Variants in TBC1D8 observed in about 807,000 individuals in gnomAD.
TBC1D8 encodes the protein BUB2-like protein 1.
Under a neutral mutation model 118.8 loss-of-function variants are expected in TBC1D8, and 65 were observed. The observed-to-expected ratio is 0.55, with a 90% confidence interval of 0.45 to 0.67. TBC1D8 has a LOEUF of 0.67. Ranked by LOEUF, TBC1D8 falls within the 30% of genes least tolerant of loss-of-function variation. The pLI, the probability that TBC1D8 is intolerant of heterozygous loss-of-function variation, is 0.00. For synonymous variants in TBC1D8, 566 were observed against 595.8 expected, an observed-to-expected ratio of 0.95 and a Z score of 0.73; for missense variants, 1,376 against 1,471.2, an observed-to-expected ratio of 0.94 and a Z score of 1.06.
At position 101,066,899 on chromosome 2, in the gene TBC1D8, C is replaced by T. The variant is rs569396184; in HGVS notation, c.284-7360G>A. On this transcript the variant is annotated intron_variant, in intron 2 of 19. Transcript: ENST00000409318. ...GGCAGAAGTTGCAGTGAGCGGAGAT[C>T]GAGTGCCACTGCACTCCAGCCTGGG... Among the ~76,000 whole-genome samples, 137 of 138,118 alleles carry T rather than the reference C, an allele frequency of 9.9e-4. 1 individual carries two copies. Among genetic ancestry groups the T allele is most frequent in the African/African-American group, 3.7e-3 (134 of 36,008 alleles). 90.6% of individuals were successfully genotyped at this position (138,118 alleles called of 152,430 possible). A position where few individuals can be genotyped will look rare whatever the true frequency, so the allele number is the denominator to read the frequency against.
rs373125904 is a variant in TBC1D8, at chr2:101,026,135, T to C, written c.2520+1248A>G. Among the ~76,000 whole-genome samples, 117 of 152,336 alleles carry C rather than the reference T, an allele frequency of 7.7e-4. 2 individuals are homozygous for C. The highest frequency in any genetic ancestry group is 2.7e-3 in the African/African-American group (112 of 41,580). On this transcript the variant is annotated intron_variant, in intron 15 of 19. Coordinates refer to ENST00000409318, the MANE Select transcript of TBC1D8 (RefSeq NM_001330348.2). ...GTGAATTTAAAGCCATCCTTTAAAT[T>C]ACATAAATTCCGACATGCGATAGTT...
Position 101,028,428 on chromosome 2 carries a change from G to C in TBC1D8, c.2227C>G (p.Leu743Val). The change falls in exon 13 of 20, where the codon CTA (leucine) becomes GTA (valine). Residue 743 changes from leucine (L) to valine (V), a missense_variant. Coordinates refer to ENST00000409318, the MANE Select transcript of TBC1D8 (RefSeq NM_001330348.2). ...GQALMILSRF[L>V]DHIKNEDSPG... Reference sequence around the variant, plus strand: ...CTGTCCTCATTCTTAATGTGATCTAGAAACCTGAACACACCGCCCCGTCAA... The same window carrying C: ...CTGTCCTCATTCTTAATGTGATCTACAAACCTGAACACACCGCCCCGTCAA... The C allele has an allele frequency of 5.7e-6, 9 of 1,572,072 alleles. No homozygotes were observed. The highest frequency in any genetic ancestry group is 7.8e-6 in the Non-Finnish European group (9 of 1,160,798).
chr2:101,027,963 G>T, intron 14 of TBC1D8, 85 bp downstream of exon 14: 1 of 1,166,662 alleles, frequency 8.6e-7, no homozygotes, highest in Non-Finnish European at 1.3e-6. Flanking sequence ...TTTCAAAGCT[G>T]GCATTCTTAT....
intron 9 of TBC1D8, among the ~76,000 whole-genome samples, chr2:101,034,499 C>G (rs1445450271): frequency 6.6e-6 from 1 of 152,238 alleles, no homozygotes; most frequent in African/African-American, 2.4e-5. Context: ...CAGAAGTGCC[C>G]AGCCCAGAAA....
intron 17 of TBC1D8, chr2:101,017,845 C>T: frequency 3.2e-6 from 5 of 1,550,556 alleles, no homozygotes; most frequent in Non-Finnish European, 3.5e-6. Flanking sequence ...CAGCTACATG[C>T]AATTCCCAAT....
intron 1 of TBC1D8, among the ~76,000 whole-genome samples, chr2:101,125,644 T>C (rs898544382): frequency 2.0e-5 from 3 of 152,254 alleles, no homozygotes; most frequent in Non-Finnish European, 4.4e-5. Flanking sequence ...ATGTTTCCTG[T>C]CTTTTTACAC....
intron 3 of TBC1D8, among the ~76,000 whole-genome samples, chr2:101,056,860 T>A (rs373256809): frequency 2.0e-5 from 3 of 152,076 alleles, no homozygotes; most frequent in East Asian, 1.9e-4. Flanking sequence ...AAACAGGGAT[T>A]TTTTAAAAGT....
chr2:101,090,435 T>C (rs2105457229), intron 1 of TBC1D8, 71 bp from the exon 2 acceptor site: 1 of 1,541,282 alleles, frequency 6.5e-7, no homozygotes, highest in Admixed American at 1.8e-5. Context: ...GTGTGAGGCA[T>C]GTGGTCGCTG....
intron 17 of TBC1D8, among the ~76,000 whole-genome samples, chr2:101,014,228 A>T (rs550063691): frequency 6.6e-6 from 1 of 151,310 alleles, no homozygotes; most frequent in Non-Finnish European, 1.5e-5. Flanking sequence ...TTTATATTCT[A>T]TGTTTCCATA....
chr2:101,128,736 T>C (rs1422408360), intron 1 of TBC1D8, among the ~76,000 whole-genome samples: 1 of 152,230 alleles, frequency 6.6e-6, no homozygotes, highest in Non-Finnish European at 1.5e-5. Flanking sequence ...ATGTGGCATA[T>C]ACATACAATA....
intron 2 of TBC1D8, among the ~76,000 whole-genome samples, chr2:101,082,073 A>C (rs1573998916): frequency 6.6e-6 from 1 of 152,224 alleles, no homozygotes; most frequent in South Asian, 2.1e-4. Context: ...TGGGAGGCGG[A>C]GGTTGCCGTG....
chr2:101,030,700 G>A (rs1482999926), intron 11 of TBC1D8, among the ~76,000 whole-genome samples: 1 of 152,196 alleles, frequency 6.6e-6, no homozygotes, highest in Non-Finnish European at 1.5e-5. Flanking sequence ...AGACTTATAT[G>A]ACTGCTCATT....
At chr2:101,115,878 T>G (rs926313544) in intron 1 of TBC1D8, among the ~76,000 whole-genome samples, 7 of 152,114 alleles carry the variant, frequency 4.6e-5, no homozygotes, top group African/African-American at 1.7e-4. Context: ...ATGACCTGGA[T>G]CTGTTACGCA....
chr2:101,019,188 G>C (rs1679874958), intron 17 of TBC1D8: 1 of 1,054,430 alleles, frequency 9.5e-7, no homozygotes, highest in South Asian at 1.7e-5. Context: ...TACACGGCCG[G>C]GGTTTCAACA....
chr2:101,126,707 A>T (rs1319076647), intron 1 of TBC1D8, among the ~76,000 whole-genome samples: 2 of 152,216 alleles, frequency 1.3e-5, no homozygotes, highest in Non-Finnish European at 2.9e-5. Flanking sequence ...AATGTTTCTC[A>T]AAAATAGGAA....
Position 101,035,998 on chromosome 2 carries a change from G to A in TBC1D8, c.1603+20C>T, listed in dbSNP as rs375350348. 5 of 1,612,122 alleles carry A rather than the reference G, an allele frequency of 3.1e-6. No homozygotes were observed. Among genetic ancestry groups the A allele is most frequent in the East Asian group, 4.5e-5 (2 of 44,836 alleles). ...CATGACAAAAAGAACAATTAGCTTC[G>A]AGACACCAAGAGCGCTTACCTGAGA... On this transcript the variant is annotated intron_variant, in intron 9 of 19. Coordinates refer to ENST00000409318, the MANE Select transcript of TBC1D8 (RefSeq NM_001330348.2).
At chr2:101,068,364 T>C (rs1193225206) in intron 2 of TBC1D8, 4 of 252,060 alleles carry the variant, frequency 1.6e-5, no homozygotes, top group Non-Finnish European at 2.3e-5. Flanking sequence ...GTCTTCTTGG[T>C]AATACCGGGT....
rs150188361 is a variant in TBC1D8, at chr2:101,094,314, T to C, written c.128-3950A>G. 4.0e-3 allele frequency among the ~76,000 whole-genome samples: 614 copies of C among 152,222 alleles called. 1 individual carries two copies. The highest frequency in any genetic ancestry group is 5.0e-3 in the Non-Finnish European group (340 of 68,022). On this transcript the variant is annotated intron_variant, in intron 1 of 19. Coordinates refer to ENST00000409318, the MANE Select transcript of TBC1D8 (RefSeq NM_001330348.2). Reference sequence around the variant, plus strand: ...AATCTTAGCCATACCTCAGGGGAGCTCAGTGATTAGGAACATCAGGTTGGG... The same window carrying C: ...AATCTTAGCCATACCTCAGGGGAGCCCAGTGATTAGGAACATCAGGTTGGG...
chr2:101,016,651 A>G (rs1442436793), intron 17 of TBC1D8, among the ~76,000 whole-genome samples: 1 of 152,208 alleles, frequency 6.6e-6, no homozygotes, highest in Non-Finnish European at 1.5e-5. Context: ...ACTATTCACA[A>G]TAGCAAAGAC....
Sources: allele counts gnomAD v4.1 joint callset (sites outside exome capture counted in the v4.1 genomes callset), GRCh38; gene constraint gnomAD v4.1.1; transcripts MANE v1.5; gene names NCBI Gene and HGNC (gene_info 2026-07-23, HGNC 2026-07-21).